CTNND2: variants seen among roughly 807,000 people sequenced by gnomAD.
CTNND2 encodes catenin delta-2.
Under a neutral mutation model 144.4 loss-of-function variants are expected in CTNND2, and 22 were observed. The observed-to-expected ratio is 0.15, with a 90% CI of 0.11 to 0.22. CTNND2 has a LOEUF of 0.22. Ranked by LOEUF, CTNND2 falls within the 10% of genes least tolerant of loss-of-function variation. The probability of loss-of-function intolerance (pLI) is 1.00; values close to 1 mark genes in which losing one functional copy is unlikely to be tolerated. For missense variants in CTNND2, 1,353 were observed against 1,618.8 expected (o/e 0.84, Z 2.82); for synonymous variants, 751 against 695.6 (o/e 1.08, Z -1.25).
chr5:11,197,654 A>G (rs1737001391), intron 11 of CTNND2, among the ~76,000 whole-genome samples: 1 of 152,152 alleles, frequency 6.6e-6, no homozygotes, highest in Non-Finnish European at 1.5e-5. Context: ...GACACCCAGA[A>G]GCTGTTGGAA....
At chr5:11,670,205 CT>C (rs1327247312) in intron 2 of CTNND2, among the ~76,000 whole-genome samples, 1 of 152,126 alleles carries the variant, frequency 6.6e-6, no homozygotes, top group Non-Finnish European at 1.5e-5. Context: ...TGATGTGGTG[CT>C]GAGAACAATG....
At chr5:11,424,967 AAG>A (rs1762662134) in intron 3 of CTNND2, among the ~76,000 whole-genome samples, 1 of 152,166 alleles carries the variant, frequency 6.6e-6, no homozygotes, top group Admixed American at 6.5e-5. Flanking sequence ...CTGTGAATGA[AAG>A]AGTTATCCCT....
At chr5:11,364,045 C>G (rs925738362) in intron 8 of CTNND2, among the ~76,000 whole-genome samples, 4 of 152,308 alleles carry the variant, frequency 2.6e-5, no homozygotes, top group South Asian at 2.1e-4. Context: ...TGACATTTGA[C>G]AGATTATGTT....
At chr5:11,537,421 T>A (rs1203276348) in intron 3 of CTNND2, among the ~76,000 whole-genome samples, 1 of 152,178 alleles carries the variant, frequency 6.6e-6, no homozygotes, top group Non-Finnish European at 1.5e-5. Flanking sequence ...GAGAAATTAG[T>A]GTTAAACATC....
chr5:11,432,121 C>CCTTT (rs1763350049), intron 3 of CTNND2, among the ~76,000 whole-genome samples: 1 of 78,384 alleles, frequency 1.3e-5, no homozygotes, highest in African/African-American at 4.2e-5. Flanking sequence ...GAGGTTGAGG[C>CCTTT]TTTTTTTTTT....
At chr5:11,406,385 T>C (rs1160632199) in intron 5 of CTNND2, among the ~76,000 whole-genome samples, 1 of 152,196 alleles carries the variant, frequency 6.6e-6, no homozygotes, top group Non-Finnish European at 1.5e-5. Context: ...ACAGCCCTTT[T>C]TCCCTGACCA....
intron 2 of CTNND2, among the ~76,000 whole-genome samples, chr5:11,614,100 CT>C (rs946579884): frequency 2.0e-5 from 3 of 151,966 alleles, no homozygotes; most frequent in Admixed American, 1.3e-4. Flanking sequence ...TCCTATACTT[CT>C]TTTTTTAAAA....
intron 1 of CTNND2, among the ~76,000 whole-genome samples, chr5:11,800,788 T>C (rs564024425): frequency 6.6e-6 from 1 of 152,324 alleles, no homozygotes; most frequent in African/African-American, 2.4e-5. Flanking sequence ...CCTTCTCACT[T>C]AGAATTGAGT....
At chr5:11,074,075 T>A (rs1239736415) in intron 16 of CTNND2, among the ~76,000 whole-genome samples, 2 of 152,140 alleles carry the variant, frequency 1.3e-5, no homozygotes, top group South Asian at 2.1e-4. Context: ...GCACTGGACT[T>A]TCCACAGCCT....
chr5:11,229,645 C>CAT (rs1740759622), intron 10 of CTNND2, among the ~76,000 whole-genome samples: 2 of 143,394 alleles, frequency 1.4e-5, no homozygotes, highest in African/African-American at 2.6e-5. Context: ...AGCCATATTG[C>CAT]GTGTGTGTGT....
At chr5:11,120,408 G>A (rs867042183) in intron 12 of CTNND2, among the ~76,000 whole-genome samples, 3,042 of 117,616 alleles carry the variant, frequency 0.026, 63 homozygotes, top group African/African-American at 0.097. Flanking sequence ...GTATACATAC[G>A]GACTTCAAGA....
chr5:11,270,191 C>T (rs114058935), intron 9 of CTNND2, among the ~76,000 whole-genome samples: 138 of 152,194 alleles, frequency 9.1e-4, no homozygotes, highest in African/African-American at 3.2e-3. Flanking sequence ...TTTTATTTCA[C>T]TCACAAAATG....
At chr5:11,386,148 A>G (rs1399094302) in intron 6 of CTNND2, 2 of 152,264 alleles carry the variant, frequency 1.3e-5, no homozygotes, top group Non-Finnish European at 2.9e-5. Context: ...CATTCGAATG[A>G]AAACACTACA....
At chr5:11,387,567 T>C (rs1350208343) in intron 6 of CTNND2, among the ~76,000 whole-genome samples, 1 of 152,146 alleles carries the variant, frequency 6.6e-6, no homozygotes, top group Non-Finnish European at 1.5e-5. Context: ...CACTCAGCCA[T>C]GCAGAACACA....
In CTNND2 at chr5:11,607,655, T is replaced by A. The variant is rs1043467184; in HGVS notation, c.175-42599A>T. Among the ~76,000 whole-genome samples, 5 of 152,324 alleles carry A rather than the reference T, an allele frequency of 3.3e-5. No homozygotes were observed. In the South Asian group the frequency reaches 6.2e-4, roughly 19 times the overall value. ...ATGGAAGGGAAGTTGCTCAATAGTC[T>A]TAGTTATGAATCCACTTCTGCAAGA... is the stretch of plus-strand genomic sequence containing the variant. On this transcript the variant is annotated intron_variant, in intron 2 of 21. Coordinates refer to ENST00000304623, the MANE Select transcript of CTNND2 (RefSeq NM_001332.4).
intron 3 of CTNND2, among the ~76,000 whole-genome samples, chr5:11,551,201 TA>T: frequency 6.6e-6 from 1 of 152,130 alleles, no homozygotes; most frequent in East Asian, 1.9e-4. Context: ...AACACCAGTG[TA>T]CCCCATCGGC....
At chr5:11,659,599 G>A (rs1410034586) in intron 2 of CTNND2, among the ~76,000 whole-genome samples, 1 of 152,050 alleles carries the variant, frequency 6.6e-6, no homozygotes, top group Non-Finnish European at 1.5e-5. Context: ...AAGGACTCCT[G>A]ATGCCTGCTC....
At chr5:11,331,601 GA>G (rs1753145642) in intron 9 of CTNND2, among the ~76,000 whole-genome samples, 3 of 151,730 alleles carry the variant, frequency 2.0e-5, no homozygotes, top group Admixed American at 2.0e-4. Flanking sequence ...CTTCCCTATG[GA>G]AAAGTTTTCA....
intron 2 of CTNND2, among the ~76,000 whole-genome samples, chr5:11,631,533 A>G (rs955617196): frequency 6.6e-6 from 1 of 151,062 alleles, no homozygotes; most frequent in Non-Finnish European, 1.5e-5. Flanking sequence ...GCTGTACTCT[A>G]CTTTGAGTGG....
Sources: gnomAD v4.1 joint callset for allele counts (sites outside exome capture counted in the v4.1 genomes callset) on GRCh38, gnomAD v4.1.1 for gene constraint, MANE v1.5 for transcripts, NCBI Gene and HGNC (gene_info 2026-07-23, HGNC 2026-07-21) for gene names.